Variants in FAF1 observed in about 807,000 individuals in gnomAD.
FAF1 encodes the protein Fas associated factor 1, also known as FAS-associated factor 1.
A neutral mutation model predicts 92.5 loss-of-function variants in FAF1; 25 were observed. The observed-to-expected ratio is 0.27, with a 90% CI of 0.20 to 0.38. The LOEUF (loss-of-function observed/expected upper bound fraction) is 0.38. Among genes scored for constraint, FAF1 ranks in the 10% least tolerant of loss-of-function variants. The pLI, the probability that FAF1 is intolerant of heterozygous loss-of-function variation, is 1.00. For missense variants in FAF1, 636 were observed against 793.3 expected (o/e 0.80, Z 2.38); for synonymous variants, 234 against 273.2 (o/e 0.86, Z 1.42).
intron 1 of FAF1, among the ~76,000 whole-genome samples, chr1:50,942,328 C>T (rs1448977845): frequency 2.6e-5 from 4 of 152,094 alleles, no homozygotes; most frequent in Non-Finnish European, 4.4e-5. Context: ...TAGTGAAACC[C>T]CATCTCTACA....
intron 12 of FAF1, among the ~76,000 whole-genome samples, chr1:50,581,372 T>A (rs1326988977): frequency 6.6e-6 from 1 of 152,186 alleles, no homozygotes; most frequent in Admixed American, 6.6e-5. Flanking sequence ...AAAATAGAAA[T>A]CTCAGAGGCA....
intron 2 of FAF1, among the ~76,000 whole-genome samples, chr1:50,827,158 T>C (rs1429320801): frequency 2.0e-5 from 3 of 151,224 alleles, no homozygotes; most frequent in Non-Finnish European, 3.0e-5. Flanking sequence ...GAATGGGCCA[T>C]GATGACGATG....
intron 1 of FAF1, among the ~76,000 whole-genome samples, chr1:50,937,632 C>T (rs1645098441): frequency 6.6e-6 from 1 of 151,950 alleles, no homozygotes; most frequent in African/African-American, 2.4e-5. Flanking sequence ...TGTATTTTGC[C>T]CTATGACATA....
intron 7 of FAF1, among the ~76,000 whole-genome samples, chr1:50,683,910 C>T (rs577079479): frequency 1.7e-4 from 25 of 146,186 alleles, no homozygotes; most frequent in Non-Finnish European, 3.3e-4. Context: ...TCAGCCTGGG[C>T]GACAAGGGCA....
At chr1:50,795,086 T>C (rs1292745010) in intron 3 of FAF1, among the ~76,000 whole-genome samples, 3 of 152,212 alleles carry the variant, frequency 2.0e-5, no homozygotes, top group Non-Finnish European at 2.9e-5. Context: ...AATGTGGCCA[T>C]GTCAACAGAG....
At chr1:50,649,852 C>A (rs955237545) in intron 8 of FAF1, among the ~76,000 whole-genome samples, 1 of 151,512 alleles carries the variant, frequency 6.6e-6, no homozygotes, top group Non-Finnish European at 1.5e-5. Context: ...GTAGTCCTAG[C>A]TACTCGGGAG....
chr1:50,610,898 T>C (rs1406062391), intron 8 of FAF1, among the ~76,000 whole-genome samples: 1 of 152,148 alleles, frequency 6.6e-6, no homozygotes, highest in Admixed American at 6.5e-5. Context: ...ACAAAAACAG[T>C]GTCACAAAAT....
At chr1:50,929,929 A>G (rs1645035622) in intron 1 of FAF1, among the ~76,000 whole-genome samples, 1 of 152,252 alleles carries the variant, frequency 6.6e-6, no homozygotes, top group African/African-American at 2.4e-5. Flanking sequence ...TACAGTCTAC[A>G]ACTCTTAAAA....
At chr1:50,735,412 GA>G (rs1157196955) in intron 6 of FAF1, among the ~76,000 whole-genome samples, 3 of 152,138 alleles carry the variant, frequency 2.0e-5, no homozygotes, top group Non-Finnish European at 4.4e-5. Flanking sequence ...CAGAAAGCTT[GA>G]AATTCTGTTT....
intron 15 of FAF1, among the ~76,000 whole-genome samples, chr1:50,510,798 T>A (rs1264372933): frequency 1.3e-5 from 2 of 152,182 alleles, no homozygotes; most frequent in African/African-American, 4.8e-5. Flanking sequence ...AATGAGTAAT[T>A]TTAATATACT....
At chr1:50,740,327 G>A (rs1659331726) in intron 5 of FAF1, among the ~76,000 whole-genome samples, 1 of 152,038 alleles carries the variant, frequency 6.6e-6, no homozygotes, top group Non-Finnish European at 1.5e-5. Flanking sequence ...AAAAGGTGAA[G>A]GAAGCAAACC....
At chr1:50,808,656 T>TA (rs1662302152) in intron 2 of FAF1, among the ~76,000 whole-genome samples, 1 of 149,146 alleles carries the variant, frequency 6.7e-6, no homozygotes, top group Non-Finnish European at 1.5e-5. Flanking sequence ...CAATAAAGAT[T>TA]TAAAAAAAAA....
chr1:50,686,630 A>C, intron 7 of FAF1, among the ~76,000 whole-genome samples: 1 of 150,356 alleles, frequency 6.7e-6, no homozygotes, highest in African/African-American at 2.4e-5. Flanking sequence ...GGAGCGGGGG[A>C]GAGCGGAGGA....
intron 1 of FAF1, among the ~76,000 whole-genome samples, chr1:50,875,878 A>C (rs1644567116): frequency 6.6e-6 from 1 of 152,172 alleles, no homozygotes; most frequent in Non-Finnish European, 1.5e-5. Flanking sequence ...TCTAGTTTTG[A>C]TAAAACCAGT....
At position 50,545,276 on chromosome 1, in the gene FAF1, C is replaced by CAT. The variant is rs367597752; in HGVS notation, c.1269-5550_1269-5549dup. Among the ~76,000 whole-genome samples, 274 of 150,804 alleles carry CAT rather than the reference C, an allele frequency of 1.8e-3. 1 individual carries two copies. The highest frequency in any genetic ancestry group is 6.8e-3 in the Middle Eastern group (2 of 292). On this transcript the variant is annotated intron_variant, in intron 13 of 18. Coordinates refer to ENST00000396153, the MANE Select transcript of FAF1 (RefSeq NM_007051.3). ...TTGAATTTGCTCCTAATTATAGCTA[C>CAT]ATATATATATATATTCGAGATGGAG...
At chr1:50,812,763 C>T (rs1354570466) in intron 2 of FAF1, among the ~76,000 whole-genome samples, 1 of 152,148 alleles carries the variant, frequency 6.6e-6, no homozygotes, top group East Asian at 1.9e-4. Flanking sequence ...CATAAAGATA[C>T]ATGCGTGTAT....
At chr1:50,582,354 T>C (rs1026438772) in intron 12 of FAF1, 1 of 369,978 alleles carries the variant, frequency 2.7e-6, no homozygotes, top group Non-Finnish European at 4.9e-6. Flanking sequence ...GGTTAGCAGA[T>C]GAACCAGAAA....
intron 13 of FAF1, among the ~76,000 whole-genome samples, chr1:50,553,597 TGC>T (rs1354751675): frequency 2.0e-5 from 3 of 152,186 alleles, no homozygotes; most frequent in Non-Finnish European, 4.4e-5. Context: ...GATAGAACTG[TGC>T]ACAGCACCAG....
chr1:50,938,014 A>G (rs1476669173), intron 1 of FAF1, among the ~76,000 whole-genome samples: 1 of 152,208 alleles, frequency 6.6e-6, no homozygotes, highest in African/African-American at 2.4e-5. Flanking sequence ...ATACTGATTT[A>G]AAGCAGTAAG....
Sources: gnomAD v4.1 joint callset for allele counts (sites outside exome capture counted in the v4.1 genomes callset) on GRCh38, gnomAD v4.1.1 for gene constraint, MANE v1.5 for transcripts, NCBI Gene and HGNC (gene_info 2026-07-23, HGNC 2026-07-21) for gene names.